SIL1: variants seen among roughly 807,000 people sequenced by gnomAD.
The protein encoded by SIL1 is SIL1 nucleotide exchange factor.
Under a neutral mutation model 49.1 loss-of-function variants are expected in SIL1, and 40 were observed. The observed-to-expected ratio is 0.81, with a 90% CI of 0.63 to 1.06. SIL1 has a LOEUF of 1.06. SIL1 is among the 50% of genes least tolerant of loss of function. The probability of loss-of-function intolerance (pLI) is 0.00; values close to 1 mark genes in which losing one functional copy is unlikely to be tolerated. For missense variants in SIL1, 500 were observed against 572.6 expected, an observed-to-expected ratio of 0.87 and a Z score of 1.29; for synonymous variants, 253 against 250.8, an observed-to-expected ratio of 1.01 and a Z score of -0.08.
chr5:139,051,338 CTA>C, intron 3 of SIL1: 1 of 448,490 alleles, frequency 2.2e-6, no homozygotes, highest in South Asian at 2.1e-5. Context: ...TTAAGCTCTT[CTA>C]TGTCTTCTTG....
At chr5:139,172,737 C>T (rs1204198088) in intron 1 of SIL1, among the ~76,000 whole-genome samples, 3 of 151,970 alleles carry the variant, frequency 2.0e-5, no homozygotes, top group African/African-American at 7.3e-5. Flanking sequence ...TCATCAGAAA[C>T]TTTGGAGGGA....
At chr5:138,985,042 C>T (rs1252551302) in intron 7 of SIL1, among the ~76,000 whole-genome samples, 1 of 152,176 alleles carries the variant, frequency 6.6e-6, no homozygotes, top group African/African-American at 2.4e-5. Flanking sequence ...GCAGTGGGCA[C>T]ATGGGGAGAA....
intron 1 of SIL1, chr5:139,133,201 G>C (rs1377999624): frequency 1.3e-5 from 2 of 152,162 alleles, no homozygotes; most frequent in African/African-American, 4.8e-5. Flanking sequence ...TGTCTCACCG[G>C]TAACTCTTTC....
intron 3 of SIL1, among the ~76,000 whole-genome samples, chr5:139,056,208 TC>T (rs1769417854): frequency 7.4e-6 from 1 of 135,456 alleles, no homozygotes; most frequent in Non-Finnish European, 1.6e-5. Context: ...CCGGCCGCCA[TC>T]CCATCTAGGA....
At chr5:139,008,818 T>G (rs1768182502) in intron 7 of SIL1, among the ~76,000 whole-genome samples, 1 of 152,168 alleles carries the variant, frequency 6.6e-6, no homozygotes, top group South Asian at 2.1e-4. Context: ...TGCACTGTGG[T>G]CTGAGAGATA....
At chr5:139,153,183 T>C (rs1237714232) in intron 1 of SIL1, among the ~76,000 whole-genome samples, 1 of 152,174 alleles carries the variant, frequency 6.6e-6, no homozygotes, top group African/African-American at 2.4e-5. Context: ...CTCCAGGCTT[T>C]TGCACATGTC....
chr5:139,123,611 A>G (rs1358866711), intron 2 of SIL1, among the ~76,000 whole-genome samples: 1 of 152,212 alleles, frequency 6.6e-6, no homozygotes, highest in East Asian at 1.9e-4. Flanking sequence ...ATTAGACTGC[A>G]GGACCAGGAG....
chr5:139,167,064 A>G (rs986051403), intron 1 of SIL1, among the ~76,000 whole-genome samples: 2 of 152,130 alleles, frequency 1.3e-5, no homozygotes, highest in Non-Finnish European at 2.9e-5. Context: ...CACCCGCCTC[A>G]GCCTCCCAAA....
At position 139,143,306 on chromosome 5, in the gene SIL1, TACACACACAC is replaced by T. The variant is rs752710937; in HGVS notation, c.-10-15463_-10-15454del. ...ATATACACATGTGTATATACATATATACACACACACACACACACACACACACACACACACA... is the reference window on the plus strand; with the variant it reads ...ATATACACATGTGTATATACATATATACACACACACACACACACACACACA... On this transcript the variant is annotated intron_variant, in intron 1 of 9. Coordinates refer to ENST00000394817, the MANE Select transcript of SIL1 (RefSeq NM_022464.5). 5.0e-3 allele frequency among the ~76,000 whole-genome samples: 619 copies of T among 123,692 alleles called. 10 individuals carry two copies. Among genetic ancestry groups the T allele is most frequent in the South Asian group, 0.02 (77 of 3,930 alleles). The allele number at this position is 123,692 out of a possible 152,430, so 81.1% of individuals were successfully genotyped here.
intron 7 of SIL1, among the ~76,000 whole-genome samples, chr5:138,997,331 A>G (rs1767891589): frequency 6.6e-6 from 1 of 152,146 alleles, no homozygotes; most frequent in South Asian, 2.1e-4. Flanking sequence ...ATAGAGGTCC[A>G]GTTTCATTCT....
chr5:139,108,511 GGT>G (rs1770775146), intron 3 of SIL1, among the ~76,000 whole-genome samples: 1 of 152,150 alleles, frequency 6.6e-6, no homozygotes, highest in African/African-American at 2.4e-5. Context: ...TGTGGCACAT[GGT>G]GTGTGTGTCA....
intron 1 of SIL1, among the ~76,000 whole-genome samples, chr5:139,145,666 GTGTGTGTGTGTGTGTA>G (rs1561879719): frequency 8.9e-6 from 1 of 111,870 alleles, no homozygotes; most frequent in East Asian, 2.3e-4. Context: ...GTGTGTGTGT[GTGTGTGTGTGTGTGTA>G]TTTCCAATGG....
chr5:139,143,306 TACACACAC>T (rs752710937), intron 1 of SIL1, among the ~76,000 whole-genome samples: 3,691 of 123,646 alleles, frequency 0.03, 236 homozygotes, highest in African/African-American at 0.093. Context: ...TATACATATA[TACACACAC>T]ACACACACAC....
At chr5:139,171,304 A>G (rs10477808) in intron 1 of SIL1, among the ~76,000 whole-genome samples, 83,892 of 151,224 alleles carry the variant, frequency 0.55, 24,137 homozygotes, top group African/African-American at 0.67. Flanking sequence ...TGGTTGCCGT[A>G]TCTGTGTAGA....
At chr5:139,098,809 C>A (rs1259114183) in intron 3 of SIL1, among the ~76,000 whole-genome samples, 2 of 89,084 alleles carry the variant, frequency 2.2e-5, no homozygotes. Context: ...TTTTCTTACT[C>A]TTTTTTTTTT....
Position 139,167,625 on chromosome 5 carries a change from A to G in SIL1, c.-11+30644T>C, listed in dbSNP as rs541908909. Among the ~76,000 whole-genome samples, 17 of 152,358 alleles carry G rather than the reference A, an allele frequency of 1.1e-4. No homozygotes were observed. In the South Asian group the frequency reaches 1.4e-3, roughly 13 times the overall value. ...TTTTAAATTTTAAAGTATATAAAGTAAAAATATTACAGTAAGCTACAGCTA... is the reference window on the plus strand; with the variant it reads ...TTTTAAATTTTAAAGTATATAAAGTGAAAATATTACAGTAAGCTACAGCTA... On this transcript the variant is annotated intron_variant, in intron 1 of 9. Coordinates refer to ENST00000394817, the MANE Select transcript of SIL1 (RefSeq NM_022464.5).
intron 3 of SIL1, among the ~76,000 whole-genome samples, chr5:139,072,665 A>T (rs1166880469): frequency 6.6e-6 from 1 of 152,158 alleles, no homozygotes; most frequent in African/African-American, 2.4e-5. Flanking sequence ...GACTTTTTAG[A>T]TTTGACCCCT....
intron 3 of SIL1, among the ~76,000 whole-genome samples, chr5:139,092,430 G>C (rs1490360840): frequency 6.6e-6 from 1 of 152,190 alleles, no homozygotes; most frequent in African/African-American, 2.4e-5. Flanking sequence ...TTTTAAGAAA[G>C]TACATTCTGT....
intron 1 of SIL1, among the ~76,000 whole-genome samples, chr5:139,147,172 G>A (rs1751210080): frequency 6.6e-6 from 1 of 152,106 alleles, no homozygotes; most frequent in South Asian, 2.1e-4. Flanking sequence ...CTCTTTTCAG[G>A]CAAGGGGTTT....
Sources: allele counts gnomAD v4.1 joint callset (sites outside exome capture counted in the v4.1 genomes callset), GRCh38; gene constraint gnomAD v4.1.1; transcripts MANE v1.5; gene names NCBI Gene and HGNC (gene_info 2026-07-23, HGNC 2026-07-21).